The following INPP4B variants were observed in gnomAD, a reference collection of about 807,000 sequenced individuals.
The protein encoded by INPP4B is inositol polyphosphate-4-phosphatase type II B, also known as inositol polyphosphate 4-phosphatase type II.
A neutral mutation model predicts 122.5 loss-of-function variants in INPP4B; 55 were observed. That is an observed-to-expected ratio of 0.45 (90% CI 0.36 to 0.56). The LOEUF is 0.56. INPP4B is among the 20% of genes least tolerant of loss of function. INPP4B has a pLI of 0.00. For missense variants in INPP4B, 1,000 were observed against 1,097.7 expected (o/e 0.91, Z 1.26); for synonymous variants, 403 against 388.7 (o/e 1.04, Z -0.43).
chr4:142,726,169 A>G (rs1271396773), intron 1 of INPP4B, among the ~76,000 whole-genome samples: 7 of 149,492 alleles, frequency 4.7e-5, no homozygotes, highest in South Asian at 2.2e-4. Flanking sequence ...CTTCTCTCAC[A>G]TGTGAACAAA....
chr4:142,646,080 C>A (rs934756911), intron 2 of INPP4B, among the ~76,000 whole-genome samples: 1 of 152,108 alleles, frequency 6.6e-6, no homozygotes, highest in African/African-American at 2.4e-5. Flanking sequence ...AGAACAAGAG[C>A]ACCTTTTTGG....
chr4:142,685,904 T>C (rs1163281744), intron 2 of INPP4B, among the ~76,000 whole-genome samples: 3 of 152,132 alleles, frequency 2.0e-5, no homozygotes, highest in African/African-American at 7.2e-5. Context: ...ATTGGTTAAA[T>C]TGAGTACATA....
intron 2 of INPP4B, among the ~76,000 whole-genome samples, chr4:142,668,393 T>C (rs1213695614): frequency 3.3e-5 from 5 of 152,078 alleles, no homozygotes; most frequent in Non-Finnish European, 7.3e-5. Context: ...CCAGGTAACA[T>C]CATACTCACT....
chr4:142,785,744 G>A (rs751033410), intron 1 of INPP4B, among the ~76,000 whole-genome samples: 2 of 152,028 alleles, frequency 1.3e-5, no homozygotes, highest in African/African-American at 2.4e-5. Flanking sequence ...AGGAGCAGAA[G>A]AGATGCTTAA....
intron 16 of INPP4B, among the ~76,000 whole-genome samples, chr4:142,160,945 A>G (rs1271022749): frequency 6.6e-6 from 1 of 152,002 alleles, no homozygotes; most frequent in East Asian, 1.9e-4. Flanking sequence ...AGAAAATGTA[A>G]TCAGTCTATG....
At position 142,696,149 on chromosome 4, in the gene INPP4B, AATAATG is replaced by A. The variant is rs1760988352; in HGVS notation, c.-191+29684_-191+29689del. Among the ~76,000 whole-genome samples, 3 of 152,112 alleles carry A rather than the reference AATAATG, an allele frequency of 2.0e-5. No individual in the cohort carries two copies. In the South Asian group the frequency reaches 6.2e-4, roughly 32 times the overall value. On this transcript the variant is annotated intron_variant, in intron 2 of 25. Transcript: ENST00000262992. ...GCAGTGTTTACAGTCCAGGAAGTCA[AATAATG>A]ACACCAGCATATTCGATGGATTAAG...
chr4:142,077,960 A>AC (rs201886343), intron 25 of INPP4B, among the ~76,000 whole-genome samples: 5,328 of 150,514 alleles, frequency 0.035, 275 homozygotes, highest in African/African-American at 0.11. Context: ...TTTAACAACA[A>AC]AAAAAAAAGT....
At chr4:142,277,657 A>G (rs922087546) in intron 9 of INPP4B, among the ~76,000 whole-genome samples, 4 of 139,336 alleles carry the variant, frequency 2.9e-5, no homozygotes, top group African/African-American at 1.0e-4. Flanking sequence ...GGGTGGATAA[A>G]GAAAATATCA....
In INPP4B at chr4:142,614,126, G is replaced by C. The variant is rs2150349159; in HGVS notation, c.-191+111713C>G. ...GAACAAAGAACCCACAGGAGGCTGA[G>C]GCAGGAGAATCACTTGAGGCTGGGA... On this transcript the variant is annotated intron_variant, in intron 2 of 25. Transcript: ENST00000262992. Among the ~76,000 whole-genome samples, 4 of 152,268 alleles carry C rather than the reference G, an allele frequency of 2.6e-5. No individual in the cohort carries two copies. In the Middle Eastern group the frequency reaches 0.014, roughly 518 times the overall value.
chr4:142,548,082 C>T (rs933507164), intron 2 of INPP4B, among the ~76,000 whole-genome samples: 20 of 152,274 alleles, frequency 1.3e-4, no homozygotes, highest in African/African-American at 4.1e-4. Flanking sequence ...CTCTGGCCAA[C>T]GTTAAGCTTG....
At chr4:142,284,559 ACTTGTCAGATT>A (rs1752655580) in intron 9 of INPP4B, among the ~76,000 whole-genome samples, 1 of 152,138 alleles carries the variant, frequency 6.6e-6, no homozygotes, top group South Asian at 2.1e-4. Flanking sequence ...TGGAGTGGGA[ACTTGTCAGATT>A]CTTCTTCTCA....
At chr4:142,383,942 G>C (rs1371051051) in intron 7 of INPP4B, 1 of 600,722 alleles carries the variant, frequency 1.7e-6, no homozygotes, top group East Asian at 2.8e-5. Context: ...CAAGAAAACT[G>C]TTGTGTCTCA....
intron 2 of INPP4B, among the ~76,000 whole-genome samples, chr4:142,592,208 T>A (rs1262723259): frequency 2.6e-5 from 4 of 152,200 alleles, no homozygotes; most frequent in Admixed American, 2.6e-4. Flanking sequence ...TTTTTCCAAA[T>A]AATTTTTCCC....
intron 15 of INPP4B, among the ~76,000 whole-genome samples, chr4:142,191,342 G>C (rs1313818273): frequency 6.6e-6 from 1 of 152,184 alleles, no homozygotes; most frequent in African/African-American, 2.4e-5. Flanking sequence ...ACCTGGAACA[G>C]GGTGGCCCAG....
intron 3 of INPP4B, among the ~76,000 whole-genome samples, chr4:142,448,879 AT>A (rs1813525770): frequency 6.6e-6 from 1 of 152,158 alleles, no homozygotes; most frequent in Non-Finnish European, 1.5e-5. Context: ...CAAATTCTGT[AT>A]TTTACCTGAA....
intron 25 of INPP4B, among the ~76,000 whole-genome samples, chr4:142,053,631 G>A (rs1173708511): frequency 2.6e-5 from 4 of 152,000 alleles, no homozygotes; most frequent in African/African-American, 4.8e-5. Context: ...TAGATATGCC[G>A]GAGTGTTTCA....
At chr4:142,833,079 A>T (rs747808466) in intron 1 of INPP4B, among the ~76,000 whole-genome samples, 1 of 151,272 alleles carries the variant, frequency 6.6e-6, no homozygotes, top group Non-Finnish European at 1.5e-5. Context: ...AGTTTGGAAG[A>T]CTCAAGTTTT....
At chr4:142,207,337 A>T (rs1446763351) in intron 14 of INPP4B, among the ~76,000 whole-genome samples, 1 of 152,128 alleles carries the variant, frequency 6.6e-6, no homozygotes, top group African/African-American at 2.4e-5. Context: ...TCGTAGCTTT[A>T]CTTTTAGTTT....
At chr4:142,102,021 T>C (rs1784679885) in intron 23 of INPP4B, among the ~76,000 whole-genome samples, 1 of 152,088 alleles carries the variant, frequency 6.6e-6, no homozygotes, top group Non-Finnish European at 1.5e-5. Context: ...CCTTCTCACC[T>C]GCTTCTGTGA....
Sources: gnomAD v4.1 joint callset for allele counts (sites outside exome capture counted in the v4.1 genomes callset) on GRCh38, gnomAD v4.1.1 for gene constraint, MANE v1.5 for transcripts, NCBI Gene and HGNC (gene_info 2026-07-23, HGNC 2026-07-21) for gene names.